Variants in RPF2 observed in about 807,000 individuals in gnomAD.
RPF2 encodes the protein ribosome production factor 2 homolog, also known as brix domain containing 1.
A neutral mutation model predicts 38.9 loss-of-function variants in RPF2; 21 were observed. The observed-to-expected ratio is 0.54, with a 90% CI of 0.38 to 0.78. The LOEUF is 0.78. RPF2 is among the 30% of genes least tolerant of loss of function. The pLI is 0.00. For missense variants in RPF2, 314 were observed against 358.1 expected (o/e 0.88, Z 0.99); for synonymous variants, 121 against 126.2 (o/e 0.96, Z 0.28).
chr6:110,983,174 G>A (rs1310529093), intron 1 of RPF2, among the ~76,000 whole-genome samples: 2 of 152,164 alleles, frequency 1.3e-5, no homozygotes, highest in Non-Finnish European at 2.9e-5. Context: ...AGAACTGTCT[G>A]AAAAGCAAGG....
chr6:110,987,494 C>T (rs982364705), intron 2 of RPF2, among the ~76,000 whole-genome samples: 2 of 152,150 alleles, frequency 1.3e-5, no homozygotes, highest in Non-Finnish European at 2.9e-5. Flanking sequence ...GAAACTGCCC[C>T]TCTCCTTCTA....
chr6:110,992,047 C>T (rs1771629831), intron 4 of RPF2, among the ~76,000 whole-genome samples: 1 of 152,126 alleles, frequency 6.6e-6, no homozygotes, highest in Non-Finnish European at 1.5e-5. Context: ...TGGCTCACGC[C>T]TGTAATCCTA....
intron 8 of RPF2, among the ~76,000 whole-genome samples, chr6:111,018,106 G>A (rs1010950435): frequency 2.2e-4 from 34 of 151,868 alleles, no homozygotes; most frequent in Admixed American, 1.8e-3. Flanking sequence ...GCAGGCACTC[G>A]GCAGGCTGAG....
chr6:110,986,427 A>G (rs1171704103), intron 2 of RPF2, among the ~76,000 whole-genome samples: 1 of 152,242 alleles, frequency 6.6e-6, no homozygotes, highest in Non-Finnish European at 1.5e-5. Flanking sequence ...GTTGGGAACT[A>G]GTGAAAAGTA....
chr6:111,000,537 G>A (rs554985212), intron 6 of RPF2, among the ~76,000 whole-genome samples: 1 of 152,254 alleles, frequency 6.6e-6, no homozygotes, highest in East Asian at 1.9e-4. Flanking sequence ...GTTCACCCTT[G>A]GGGAGTTGCA....
chr6:111,015,157 T>C (rs1772086138), intron 7 of RPF2, among the ~76,000 whole-genome samples: 1 of 152,236 alleles, frequency 6.6e-6, no homozygotes, highest in African/African-American at 2.4e-5. Flanking sequence ...ACGTAGTAAA[T>C]TATATCTGGC....
chr6:111,012,003 T>G (rs559434551), intron 7 of RPF2, among the ~76,000 whole-genome samples: 2 of 151,958 alleles, frequency 1.3e-5, no homozygotes, highest in Non-Finnish European at 2.9e-5. Flanking sequence ...TTGGTTTATG[T>G]TGTGTGTTCA....
intron 7 of RPF2, 83 bp downstream of exon 7, chr6:111,008,220 G>T: frequency 1.4e-6 from 2 of 1,400,048 alleles, no homozygotes; most frequent in South Asian, 1.7e-5. Context: ...TGCTACTTTA[G>T]GTTTGTAACT....
intron 9 of RPF2, among the ~76,000 whole-genome samples, chr6:111,024,665 A>G (rs1772291943): frequency 6.6e-6 from 1 of 150,694 alleles, no homozygotes; most frequent in African/African-American, 2.4e-5. Flanking sequence ...GTGAGCAGAG[A>G]TCACGCCATT....
At chr6:111,015,686 C>T (rs1235337674) in intron 7 of RPF2, 68 bp from the exon 8 acceptor site, 13 of 1,050,270 alleles carry the variant, frequency 1.2e-5, no homozygotes, top group Non-Finnish European at 1.9e-5. Context: ...GTTTAGAGTG[C>T]AGTTCTTTGT....
chr6:110,998,561 C>T (rs1771758854), intron 5 of RPF2, among the ~76,000 whole-genome samples: 1 of 152,088 alleles, frequency 6.6e-6, no homozygotes, highest in African/African-American at 2.4e-5. Flanking sequence ...AACCAAAAAA[C>T]CCCACCAAAC....
rs9400453 is a variant in RPF2 at position 111,005,884 on chromosome 6, T to G, written c.394-2154T>G. Among the ~76,000 whole-genome samples, 6,509 of 152,278 alleles carry G rather than the reference T, an allele frequency of 0.043. 747 individuals carry two copies. In the East Asian group the frequency reaches 0.49, roughly 11 times the overall value. ...TGGAGTGCTGTGGCGCTATCTCAGC[T>G]CACTGCAACCTCCACCTCCTGGGTT... On this transcript the variant is annotated intron_variant, in intron 6 of 9. Coordinates refer to ENST00000441448, the MANE Select transcript of RPF2 (RefSeq NM_032194.3).
At chr6:110,994,771 G>T (rs930546654) in intron 4 of RPF2, among the ~76,000 whole-genome samples, 1 of 92,364 alleles carries the variant, frequency 1.1e-5, no homozygotes, top group Non-Finnish European at 2.1e-5. Flanking sequence ...ACACACACAC[G>T]AGTATGTATG....
At chr6:111,021,565 C>G (rs1316425540) in intron 8 of RPF2, among the ~76,000 whole-genome samples, 3 of 152,180 alleles carry the variant, frequency 2.0e-5, no homozygotes, top group Admixed American at 2.0e-4. Flanking sequence ...GAGCTGGGCT[C>G]AGCCACGTGA....
intron 5 of RPF2, among the ~76,000 whole-genome samples, chr6:110,998,504 C>T (rs375411373): frequency 3.3e-5 from 5 of 152,238 alleles, no homozygotes; most frequent in East Asian, 1.9e-4. Context: ...CCACTGTGCC[C>T]GGCCTGATCT....
chr6:111,001,350 G>T (rs1771808247), intron 6 of RPF2, among the ~76,000 whole-genome samples: 1 of 152,054 alleles, frequency 6.6e-6, no homozygotes, highest in Non-Finnish European at 1.5e-5. Context: ...CTTGATTATG[G>T]TGGAAGCCCT....
intron 7 of RPF2, among the ~76,000 whole-genome samples, chr6:111,014,103 G>A: frequency 6.7e-6 from 1 of 149,050 alleles, no homozygotes; most frequent in Admixed American, 6.7e-5. Context: ...ACTTGTGTTT[G>A]TTTTATACAA....
chr6:111,002,533 A>C (rs373348178), intron 6 of RPF2, among the ~76,000 whole-genome samples: 3 of 151,522 alleles, frequency 2.0e-5, no homozygotes, highest in Non-Finnish European at 4.4e-5. Context: ...GGGTCTCACT[A>C]TATTGCCCTG....
At chr6:110,988,154 A>C (rs1440496876) in intron 2 of RPF2, among the ~76,000 whole-genome samples, 1 of 152,054 alleles carries the variant, frequency 6.6e-6, no homozygotes, top group African/African-American at 2.4e-5. Context: ...AGTAAGCTTT[A>C]ATCACGCCAT....
Sources: gnomAD v4.1 joint callset for allele counts (sites outside exome capture counted in the v4.1 genomes callset) on GRCh38, gnomAD v4.1.1 for gene constraint, MANE v1.5 for transcripts, NCBI Gene and HGNC (gene_info 2026-07-23, HGNC 2026-07-21) for gene names.